Variants in ADGRE1 observed in about 807,000 individuals in gnomAD.
ADGRE1 encodes the protein adhesion G protein-coupled receptor E1.
Under a neutral mutation model 102.7 loss-of-function variants are expected in ADGRE1, and 82 were observed. The ratio of observed to expected loss-of-function variants is 0.80; its 90% CI spans 0.67 to 0.96. The LOEUF (loss-of-function observed/expected upper bound fraction) is 0.96. ADGRE1 is among the 40% of genes least tolerant of loss of function. ADGRE1 has a pLI of 0.00. For missense variants in ADGRE1, 1,032 were observed against 1,085.3 expected (o/e 0.95, Z 0.69); for synonymous variants, 398 against 399.6 (o/e 1.00, Z 0.05).
At chr19:6,890,890 T>G (rs539061274) in intron 2 of ADGRE1, among the ~76,000 whole-genome samples, 1 of 152,018 alleles carries the variant, frequency 6.6e-6, no homozygotes, top group African/African-American at 2.4e-5. Flanking sequence ...GTAGTGAGAG[T>G]AGGGATGGAA....
At chr19:6,916,505 G>A (rs1318787175) in intron 12 of ADGRE1, 137 bp downstream of exon 12, 1 of 1,152,480 alleles carries the variant, frequency 8.7e-7, no homozygotes. Context: ...CTCTCAGAGA[G>A]TTTTCCATGT....
At chr19:6,931,471 G>C (rs879585540) in intron 17 of ADGRE1, among the ~76,000 whole-genome samples, 17 of 152,178 alleles carry the variant, frequency 1.1e-4, no homozygotes, top group Admixed American at 2.0e-4. Context: ...GGGAGGGTCT[G>C]TTCCAGACCC....
intron 18 of ADGRE1, among the ~76,000 whole-genome samples, chr19:6,936,952 T>A (rs1202686290): frequency 6.6e-6 from 1 of 152,106 alleles, no homozygotes; most frequent in Admixed American, 6.6e-5. Context: ...GAGATGGGTT[T>A]TCACCATGTT....
chr19:6,909,835 A>G (rs913753710), intron 10 of ADGRE1, among the ~76,000 whole-genome samples: 2 of 152,120 alleles, frequency 1.3e-5, no homozygotes, highest in Admixed American at 6.5e-5. Flanking sequence ...CCCAGGTTCA[A>G]GCGATTCTCC....
intron 16 of ADGRE1, among the ~76,000 whole-genome samples, chr19:6,927,852 G>A (rs956130116): frequency 1.3e-5 from 2 of 152,078 alleles, no homozygotes; most frequent in African/African-American, 4.8e-5. Context: ...ATGATAAGGT[G>A]TACCAGTGGA....
At chr19:6,897,640 G>A in intron 5 of ADGRE1, 93 bp downstream of exon 5, 1 of 1,346,026 alleles carries the variant, frequency 7.4e-7, no homozygotes, top group East Asian at 2.6e-5. Context: ...TTCTCATGTA[G>A]GGATAAGAAA....
intron 13 of ADGRE1, among the ~76,000 whole-genome samples, chr19:6,920,816 G>A (rs1055824933): frequency 1.3e-5 from 2 of 152,062 alleles, no homozygotes; most frequent in Non-Finnish European, 2.9e-5. Context: ...ACCCTTCTAG[G>A]ATACATTCTT....
intron 5 of ADGRE1, chr19:6,898,770 C>T (rs1162593608): frequency 3.8e-6 from 2 of 529,630 alleles, no homozygotes; most frequent in Middle Eastern, 4.0e-4. Context: ...GGGATTTTCT[C>T]ATGTAGGGAT....
chr19:6,896,815 C>G, intron 3 of ADGRE1: 1 of 498,648 alleles, frequency 2.0e-6, no homozygotes, highest in Non-Finnish European at 3.5e-6. Context: ...CACCCTTCCT[C>G]TCTTTGATCA....
At chr19:6,898,966 G>T (rs1308537219) in intron 5 of ADGRE1, among the ~76,000 whole-genome samples, 1 of 152,006 alleles carries the variant, frequency 6.6e-6, no homozygotes, top group South Asian at 2.1e-4. Flanking sequence ...GTAGCATTAG[G>T]CCATTTCTGT....
intron 11 of ADGRE1, among the ~76,000 whole-genome samples, chr19:6,915,930 A>AC (rs11369251): frequency 0.19 from 25,966 of 136,952 alleles, 2,747 homozygotes; most frequent in Middle Eastern, 0.26. Flanking sequence ...CAAAAAAAAA[A>AC]AAAAAAAAAA....
intron 13 of ADGRE1, 119 bp from the exon 14 acceptor site, chr19:6,921,594 C>A: frequency 8.6e-7 from 1 of 1,166,944 alleles, no homozygotes; most frequent in Non-Finnish European, 1.2e-6. Context: ...TTTCCCCATT[C>A]CCTCAGAACA....
At chr19:6,921,584 T>C in intron 13 of ADGRE1, 129 bp from the exon 14 acceptor site, 1 of 1,094,160 alleles carries the variant, frequency 9.1e-7, no homozygotes, top group Admixed American at 2.9e-5. Context: ...TACCAGCATT[T>C]TTCCCCATTC....
At chr19:6,921,626 C>T in intron 13 of ADGRE1, 87 bp from the exon 14 acceptor site, 2 of 1,393,600 alleles carry the variant, frequency 1.4e-6, no homozygotes, top group Non-Finnish European at 9.5e-7. Flanking sequence ...TTCTTGTTCC[C>T]AGTGACTCTT....
At position 6,913,659 on chromosome 19, in the gene ADGRE1, A is replaced by G. The variant is rs200148382; in HGVS notation, c.1129A>G (p.Thr377Ala). The G allele has an allele frequency of 2.3e-5, 37 of 1,600,324 alleles. No individual in the cohort carries two copies. In the East Asian group the frequency reaches 7.9e-4, roughly 34 times the overall value. The change falls in exon 11 of 21, where the codon ACT (threonine) becomes GCT (alanine). Residue 377 changes from threonine to alanine, a missense_variant. Transcript: ENST00000312053. ...KTTVVSLKNT[T>A]ESFVPVLKQI... ...AACACATCTTTCCTTGCAGAATACA[A>G]CTGAGAGCTTTGTCCCTGTGCTTAA...
intron 16 of ADGRE1, among the ~76,000 whole-genome samples, chr19:6,927,169 C>T (rs936399134): frequency 3.9e-4 from 59 of 151,686 alleles, no homozygotes; most frequent in African/African-American, 1.4e-3. Context: ...GGAGCCAATC[C>T]TTTCTTCCTC....
intron 9 of ADGRE1, among the ~76,000 whole-genome samples, chr19:6,907,677 C>T (rs948237998): frequency 1.3e-5 from 2 of 152,030 alleles, no homozygotes; most frequent in Non-Finnish European, 2.9e-5. Flanking sequence ...AGTCACTCCC[C>T]ATTCTCCCCT....
chr19:6,939,984 TCTGCTG>T (rs1186190248), intron 20 of ADGRE1, 34 bp from the exon 21 acceptor site: 1 of 1,612,654 alleles, frequency 6.2e-7, no homozygotes, highest in Admixed American at 1.7e-5. Flanking sequence ...TTGTATTAAT[TCTGCTG>T]CAGACTCTGA....
intron 8 of ADGRE1, 30 bp downstream of exon 8, chr19:6,904,212 G>A: frequency 1.2e-6 from 2 of 1,607,890 alleles, no homozygotes; most frequent in Non-Finnish European, 8.5e-7. Context: ...TCTTGGCAAT[G>A]GAATCTGTTT....
Sources: allele counts gnomAD v4.1 joint callset (sites outside exome capture counted in the v4.1 genomes callset), GRCh38; gene constraint gnomAD v4.1.1; transcripts MANE v1.5; gene names NCBI Gene and HGNC (gene_info 2026-07-23, HGNC 2026-07-21).